Variants in TTC28 observed in about 807,000 individuals in gnomAD.
TTC28 encodes the protein tetratricopeptide repeat domain 28, also known as tetratricopeptide repeat protein 28.
TTC28 carries 61 observed loss-of-function variants against 198.0 expected under a neutral mutation model. The observed-to-expected ratio is 0.31, with a 90% CI of 0.25 to 0.38. TTC28 has a LOEUF of 0.38. Ranked by LOEUF, TTC28 falls within the 10% of genes least tolerant of loss-of-function variation. TTC28 has a pLI of 1.00. For missense variants in TTC28, 2,678 were observed against 3,164.0 expected, an observed-to-expected ratio of 0.85 and a Z score of 3.69; for synonymous variants, 1,171 against 1,297.8, an observed-to-expected ratio of 0.90 and a Z score of 2.10.
intron 2 of TTC28, among the ~76,000 whole-genome samples, chr22:28,433,427 G>A (rs1324861466): frequency 6.6e-6 from 1 of 151,856 alleles, no homozygotes; most frequent in East Asian, 1.9e-4. Context: ...TGATCCCAAG[G>A]GAACCAGTTT....
chr22:28,473,440 A>G (rs886691376), intron 2 of TTC28, among the ~76,000 whole-genome samples: 2 of 152,172 alleles, frequency 1.3e-5, no homozygotes, highest in South Asian at 2.1e-4. Context: ...GACACGCCCA[A>G]TGGCCAGTTT....
intron 5 of TTC28, among the ~76,000 whole-genome samples, chr22:28,268,633 A>T (rs1022358563): frequency 1.3e-5 from 2 of 152,236 alleles, no homozygotes; most frequent in Non-Finnish European, 2.9e-5. Flanking sequence ...TGAGAATTCC[A>T]GATCTTCTAT....
intron 2 of TTC28, among the ~76,000 whole-genome samples, chr22:28,511,582 G>T (rs2048689247): frequency 2.0e-5 from 3 of 152,128 alleles, no homozygotes; most frequent in Admixed American, 2.0e-4. Flanking sequence ...CACTATAGGA[G>T]GCTGAGGCAG....
At chr22:28,138,011 G>A (rs940352245) in intron 6 of TTC28, among the ~76,000 whole-genome samples, 9 of 151,914 alleles carry the variant, frequency 5.9e-5, no homozygotes, top group Non-Finnish European at 1.0e-4. Flanking sequence ...GCGAAACTCC[G>A]TTGTTGTTTT....
At chr22:28,423,939 A>C (rs2047306001) in intron 2 of TTC28, among the ~76,000 whole-genome samples, 1 of 152,168 alleles carries the variant, frequency 6.6e-6, no homozygotes, top group South Asian at 2.1e-4. Flanking sequence ...CAAAGGCCAA[A>C]ATTTTTTAAA....
intron 2 of TTC28, among the ~76,000 whole-genome samples, chr22:28,367,046 A>G (rs2046259420): frequency 6.6e-6 from 1 of 152,076 alleles, no homozygotes; most frequent in Admixed American, 6.5e-5. Flanking sequence ...AAAAAAATCA[A>G]CAAAGAAACA....
At chr22:28,069,570 A>T (rs1940882966) in intron 12 of TTC28, among the ~76,000 whole-genome samples, 1 of 152,224 alleles carries the variant, frequency 6.6e-6, no homozygotes, top group Non-Finnish European at 1.5e-5. Context: ...TTAGCATAAG[A>T]TAAAATAAAA....
rs1936975969 is a variant in TTC28, at chr22:27,980,596, C to T, written c.*1625G>A. On this transcript the variant is annotated 3_prime_UTR_variant, in exon 23 of 23. Transcript: ENST00000397906. ...ACCTGGGGATCCTGAGGTCAGTGCCCCCTGCCAGGCCCCTCAGGTCTGCTC... is the reference window on the plus strand; with the variant it reads ...ACCTGGGGATCCTGAGGTCAGTGCCTCCTGCCAGGCCCCTCAGGTCTGCTC... The T allele has an allele frequency of 6.6e-6, 1 of 152,278 alleles. No individual in the cohort carries two copies. Among genetic ancestry groups the T allele is most frequent in the African/African-American group, 2.4e-5 (1 of 41,462 alleles). 9.4% of individuals were successfully genotyped at this position (152,278 alleles called of 1,614,324 possible).
intron 5 of TTC28, among the ~76,000 whole-genome samples, chr22:28,204,764 T>G (rs1057484260): frequency 2.0e-5 from 3 of 152,092 alleles, no homozygotes; most frequent in Non-Finnish European, 2.9e-5. Context: ...TTTGGGATAT[T>G]AATTATGATA....
At chr22:27,993,014 T>C in intron 18 of TTC28, 1 of 566,474 alleles carries the variant, frequency 1.8e-6, no homozygotes, top group Non-Finnish European at 3.1e-6. Context: ...TAGTGGCCAG[T>C]GTCTGCCGGC....
Position 28,096,408 on chromosome 22 carries a change from C to A in TTC28, c.3548G>T (p.Gly1183Val). Residue 1183 changes from glycine to valine, a missense_variant and splice_region_variant, in exon 11 of 23, where the codon GGC becomes GTC. Physicochemically the swap from Gly to Val is moderately radical, Grantham distance 109. Transcript: ENST00000397906. ...QALQRVLVSL[G>V]HHDEALAVAE... is the part of the protein sequence containing the mutation. Reference sequence around the variant, plus strand: ...CACAGCCAGGGCTTCATCATGATGGCCTAGGAGACAAAGAGATATGCCGAG... The same window carrying A: ...CACAGCCAGGGCTTCATCATGATGGACTAGGAGACAAAGAGATATGCCGAG... The A allele has an allele frequency of 6.4e-7, 1 of 1,550,892 alleles. No individual in the cohort carries two copies.
At chr22:28,148,377 G>T (rs1285488774) in intron 6 of TTC28, among the ~76,000 whole-genome samples, 2 of 152,190 alleles carry the variant, frequency 1.3e-5, no homozygotes, top group Admixed American at 1.3e-4. Context: ...ACTTTGGGAG[G>T]CCAAGGCAGG....
At chr22:28,537,822 T>C (rs1307507763) in intron 2 of TTC28, among the ~76,000 whole-genome samples, 1 of 152,150 alleles carries the variant, frequency 6.6e-6, no homozygotes, top group African/African-American at 2.4e-5. Context: ...TAGTTCTCTA[T>C]AAATACACAT....
Position 27,982,333 on chromosome 22 carries a change from G to T in TTC28, c.7334C>A (p.Pro2445Gln). The change falls in exon 23 of 23, where the codon CCG (proline) becomes CAG (glutamine). Residue 2445 changes from proline (P) to glutamine (Q), a missense_variant. Around this residue, in one of 8 missense-constraint regions of TTC28, gnomAD observed 622 missense variants for 656.0 expected, o/e 0.95. Coordinates refer to ENST00000397906, the MANE Select transcript of TTC28 (RefSeq NM_001145418.2). The surrounding 1 kb of genome is among the most constrained non-coding windows in gnomAD (Gnocchi z 5.2). ...TGTGGCGGGAGGGCCGGCGGGCAGC[G>T]GCAGTGAGCCCAGCGAGGTGGTCTC... Reference protein sequence around the residue: ...RTETTSLGSLPLPAGPPATAP... With the variant: ...RTETTSLGSLQLPAGPPATAP... 1 of 1,535,692 alleles carries T rather than the reference G, an allele frequency of 6.5e-7. No homozygotes were observed. Among genetic ancestry groups the T allele is most frequent in the Non-Finnish European group, 8.8e-7 (1 of 1,137,866 alleles).
chr22:28,613,443 A>C lies in TTC28; in HGVS notation c.381+16109T>G, dbSNP rs144427739. Among the ~76,000 whole-genome samples the C allele has an allele frequency of 3.7e-3, 568 of 152,344 alleles. 7 individuals carry two copies. Among genetic ancestry groups the C allele is most frequent in the African/African-American group, 0.013 (548 of 41,572 alleles). On this transcript the variant is annotated intron_variant, in intron 2 of 22. Transcript: ENST00000397906. Reference sequence around the variant, plus strand: ...AAAAAGAGGGAATCCTCCCTACCTCATTTAATGAAGCCAGCATCATCCTGA... The same window carrying C: ...AAAAAGAGGGAATCCTCCCTACCTCCTTTAATGAAGCCAGCATCATCCTGA...
chr22:28,081,799 G>A (rs996824436), intron 12 of TTC28, among the ~76,000 whole-genome samples: 3 of 152,132 alleles, frequency 2.0e-5, no homozygotes, highest in Non-Finnish European at 4.4e-5. Flanking sequence ...GCTGCCACTA[G>A]GATTTTGCTA....
intron 2 of TTC28, among the ~76,000 whole-genome samples, chr22:28,462,458 A>C (rs1337720334): frequency 6.6e-6 from 1 of 152,244 alleles, no homozygotes; most frequent in African/African-American, 2.4e-5. Context: ...AAGTAATGTG[A>C]GTGAGAACTA....
At chr22:28,089,760 T>G (rs1941753858) in intron 12 of TTC28, among the ~76,000 whole-genome samples, 1 of 149,824 alleles carries the variant, frequency 6.7e-6, no homozygotes, top group South Asian at 2.1e-4. Context: ...GTGGCATGTA[T>G]ACACCATGGA....
intron 5 of TTC28, among the ~76,000 whole-genome samples, chr22:28,168,883 G>C (rs961219459): frequency 1.3e-5 from 2 of 152,078 alleles, no homozygotes; most frequent in African/African-American, 4.8e-5. Context: ...GAGTGAACAG[G>C]CACCCTACAG....
Sources: allele counts gnomAD v4.1 joint callset (sites outside exome capture counted in the v4.1 genomes callset), GRCh38; gene constraint gnomAD v4.1.1; regional missense constraint gnomAD v4.1.1; non-coding constraint Gnocchi (gnomAD v3.1); transcripts MANE v1.5; gene names NCBI Gene and HGNC (gene_info 2026-07-23, HGNC 2026-07-21).